TMEM117: variants seen among roughly 807,000 people sequenced by gnomAD.
TMEM117 encodes transmembrane protein 117.
A neutral mutation model predicts 52.4 loss-of-function variants in TMEM117; 27 were observed. The ratio of observed to expected loss-of-function variants is 0.51; its 90% CI spans 0.38 to 0.71. The LOEUF is 0.71. Among genes scored for constraint, TMEM117 ranks in the 30% least tolerant of loss-of-function variants. The probability of loss-of-function intolerance (pLI) is 0.00; values close to 1 mark genes in which losing one functional copy is unlikely to be tolerated. For missense variants in TMEM117, 556 were observed against 630.5 expected (o/e 0.88, Z 1.26); for synonymous variants, 215 against 206.3 (o/e 1.04, Z -0.36).
chr12:43,997,731 A>G (rs1946055139), intron 3 of TMEM117, among the ~76,000 whole-genome samples: 1 of 152,144 alleles, frequency 6.6e-6, no homozygotes, highest in South Asian at 2.1e-4. Context: ...TCTAAGTTTT[A>G]CTATAAAGCC....
intron 4 of TMEM117, 74 bp downstream of exon 4, chr12:44,143,698 T>G (rs2138200937): frequency 9.5e-7 from 1 of 1,048,900 alleles, no homozygotes; most frequent in South Asian, 1.5e-5. Context: ...CAGACACTGC[T>G]TTTGATGATG....
chr12:43,906,664 A>G (rs2407786), intron 2 of TMEM117, among the ~76,000 whole-genome samples: 106,665 of 150,038 alleles, frequency 0.71, 40,889 homozygotes, highest in East Asian at 0.86. Flanking sequence ...AAAGCAGGGC[A>G]AGCCATTGCC....
At chr12:43,903,381 G>A (rs12579237) in intron 2 of TMEM117, among the ~76,000 whole-genome samples, 2 of 152,036 alleles carry the variant, frequency 1.3e-5, no homozygotes, top group East Asian at 3.9e-4. Flanking sequence ...ATTGAATATA[G>A]AATAAAGAAA....
chr12:43,930,637 C>T (rs1451712562), intron 2 of TMEM117, among the ~76,000 whole-genome samples: 1 of 152,216 alleles, frequency 6.6e-6, no homozygotes, highest in Non-Finnish European at 1.5e-5. Context: ...ATGATAAATA[C>T]ACTTGCTAGG....
chr12:44,242,285 T>C (rs908433027), intron 5 of TMEM117, among the ~76,000 whole-genome samples: 4 of 151,800 alleles, frequency 2.6e-5, no homozygotes, highest in Admixed American at 2.0e-4. Flanking sequence ...CTCCACATCC[T>C]CCTCCTACCC....
intron 3 of TMEM117, among the ~76,000 whole-genome samples, chr12:43,989,202 T>C (rs1945897329): frequency 6.6e-6 from 1 of 152,126 alleles, no homozygotes; most frequent in Non-Finnish European, 1.5e-5. Context: ...GGTTTACAAA[T>C]AGATAAAACT....
intron 3 of TMEM117, among the ~76,000 whole-genome samples, chr12:43,955,038 T>A (rs1281679459): frequency 6.6e-6 from 1 of 152,148 alleles, no homozygotes; most frequent in Non-Finnish European, 1.5e-5. Context: ...AAAAACCACA[T>A]AATTATCTCA....
At chr12:43,873,694 CA>C (rs1479851400) in intron 2 of TMEM117, among the ~76,000 whole-genome samples, 11 of 150,408 alleles carry the variant, frequency 7.3e-5, no homozygotes, top group African/African-American at 2.7e-4. Flanking sequence ...TGTATCTTTC[CA>C]GTTAGTTTTA....
intron 6 of TMEM117, among the ~76,000 whole-genome samples, chr12:44,355,485 G>C (rs1951634137): frequency 6.6e-6 from 1 of 152,004 alleles, no homozygotes; most frequent in Non-Finnish European, 1.5e-5. Context: ...AGTCTTAGAG[G>C]ATGGGCCTGC....
intron 4 of TMEM117, among the ~76,000 whole-genome samples, chr12:44,168,252 CAAAAA>C (rs111854378): frequency 0.013 from 1,746 of 134,056 alleles, 23 homozygotes; most frequent in South Asian, 0.061. Flanking sequence ...GACCCCATCT[CAAAAA>C]AAAAAAAAGA....
chr12:43,847,395 A>T (rs1943228153), intron 2 of TMEM117, among the ~76,000 whole-genome samples: 1 of 152,200 alleles, frequency 6.6e-6, no homozygotes, highest in African/African-American at 2.4e-5. Flanking sequence ...TGATAACCTG[A>T]TATCTCTTTA....
At chr12:43,893,430 C>T (rs1292225008) in intron 2 of TMEM117, among the ~76,000 whole-genome samples, 1 of 152,150 alleles carries the variant, frequency 6.6e-6, no homozygotes, top group Non-Finnish European at 1.5e-5. Flanking sequence ...AGTTCAGATA[C>T]CTTCAAGGCA....
At chr12:44,348,628 T>C (rs1362370323) in intron 6 of TMEM117, among the ~76,000 whole-genome samples, 3 of 152,030 alleles carry the variant, frequency 2.0e-5, no homozygotes, top group Non-Finnish European at 4.4e-5. Flanking sequence ...TTAAATTTTC[T>C]TTAGAAAGTT....
intron 4 of TMEM117, among the ~76,000 whole-genome samples, chr12:44,208,090 A>G (rs1410829122): frequency 6.6e-6 from 1 of 152,028 alleles, no homozygotes; most frequent in Non-Finnish European, 1.5e-5. Flanking sequence ...GTTGCCTGGC[A>G]TCATATAGGC....
intron 3 of TMEM117, among the ~76,000 whole-genome samples, chr12:44,107,424 A>C (rs1389115101): frequency 6.6e-6 from 1 of 152,118 alleles, no homozygotes; most frequent in Non-Finnish European, 1.5e-5. Flanking sequence ...TAGAAGAGAA[A>C]TAAAAATTCA....
chr12:44,146,934 A>G (rs1383680343), intron 4 of TMEM117, among the ~76,000 whole-genome samples: 1 of 152,126 alleles, frequency 6.6e-6, no homozygotes, highest in African/African-American at 2.4e-5. Flanking sequence ...ATGTGATCCA[A>G]AGATAAGGAT....
intron 2 of TMEM117, among the ~76,000 whole-genome samples, chr12:43,893,687 A>C (rs1010908880): frequency 9.9e-5 from 15 of 152,074 alleles, no homozygotes; most frequent in African/African-American, 3.6e-4. Context: ...ACCTTTCCCT[A>C]TTCTCTACTT....
intron 5 of TMEM117, among the ~76,000 whole-genome samples, chr12:44,269,389 C>G (rs1950419430): frequency 6.6e-6 from 1 of 152,190 alleles, no homozygotes; most frequent in African/African-American, 2.4e-5. Context: ...GTATCCGTTT[C>G]ACACAGTAAT....
the TMEM117 span, among the ~76,000 whole-genome samples, chr12:43,822,522 G>T: frequency 0.041 from 5,893 of 145,300 alleles, 132 homozygotes; most frequent in African/African-American, 0.048. Context: ...TTGTCACTCT[G>T]TGAATCCTTT....
Sources: allele counts gnomAD v4.1 joint callset (sites outside exome capture counted in the v4.1 genomes callset), GRCh38; gene constraint gnomAD v4.1.1; transcripts MANE v1.5; gene names NCBI Gene and HGNC (gene_info 2026-07-23, HGNC 2026-07-21).